LLGL1: variants seen among roughly 807,000 people sequenced by gnomAD.
LLGL1 encodes the protein LLGL scribble cell polarity complex component 1, also known as lethal(2) giant larvae protein homolog 1.
Under a neutral mutation model 110.6 loss-of-function variants are expected in LLGL1, and 58 were observed. The observed-to-expected ratio is 0.52, with a 90% CI of 0.42 to 0.65. The LOEUF (loss-of-function observed/expected upper bound fraction) is 0.65. Among genes scored for constraint, LLGL1 ranks in the 30% least tolerant of loss-of-function variants. The pLI is 0.00. For synonymous variants in LLGL1, 674 were observed against 607.2 expected, an observed-to-expected ratio of 1.11 and a Z score of -1.62; for missense variants, 1,229 against 1,462.1, an observed-to-expected ratio of 0.84 and a Z score of 2.60.
At chr17:18,226,439 G>A (rs2047445573) in intron 1 of LLGL1, among the ~76,000 whole-genome samples, 1 of 152,116 alleles carries the variant, frequency 6.6e-6, no homozygotes, top group Admixed American at 6.5e-5. Context: ...AGCTGTGGGG[G>A]GTGCGGCTGG....
rs770662681 is a variant in LLGL1 at position 18,234,239 on chromosome 17, GCCTGCCTGCCTGCCTGCC to G, written c.715-23_715-6del. On this transcript the variant is annotated splice_polypyrimidine_tract_variant and intron_variant, in intron 6 of 22. Coordinates refer to ENST00000316843, the MANE Select transcript of LLGL1 (RefSeq NM_004140.4). ...CTTGTGCATGCCCACCATGGCTCAT[GCCTGCCTGCCTGCCTGCC>G]CCTGCCTGCCCGCAGCAGCTGGAGA... 1.9e-6 allele frequency: 3 copies of G among 1,582,314 alleles called. No individual in the cohort carries two copies. The highest frequency in any genetic ancestry group is 2.6e-6 in the Non-Finnish European group (3 of 1,163,712).
rs1228397680 is a variant in LLGL1, at chr17:18,234,683, G to T, written c.885G>T (p.Leu295=). 1.9e-6 allele frequency: 3 copies of T among 1,614,132 alleles called. No individual in the cohort carries two copies. Among genetic ancestry groups the T allele is most frequent in the Admixed American group, 3.3e-5 (2 of 60,022 alleles). Residue 295 remains leucine, a synonymous_variant, in exon 8 of 23, where the codon CTG becomes CTT. Coordinates refer to ENST00000316843, the MANE Select transcript of LLGL1 (RefSeq NM_004140.4). ...CCTGCAAGGCCATTAACAAGATTCT[G>T]TGGCGGAACTGTGAATCTGGGTAGG... ...PFPCKAINKI[L]WRNCESGGHF...
intron 18 of LLGL1, 85 bp downstream of exon 18, chr17:18,241,800 T>C (rs1334024581): frequency 6.2e-7 from 1 of 1,608,098 alleles, no homozygotes; most frequent in Non-Finnish European, 8.5e-7. Context: ...GGAAGGGCAC[T>C]CCAGGTGGGC....
intron 1 of LLGL1, among the ~76,000 whole-genome samples, chr17:18,229,664 GA>G (rs2047525352): frequency 1.3e-5 from 2 of 152,322 alleles, no homozygotes; most frequent in East Asian, 3.9e-4. Flanking sequence ...TGTGTGCATT[GA>G]GGGGCACAGG....
intron 1 of LLGL1, 147 bp from the exon 2 acceptor site, chr17:18,229,794 C>T (rs756774836): frequency 2.3e-5 from 14 of 608,098 alleles, no homozygotes; most frequent in African/African-American, 1.1e-4. Flanking sequence ...CAGTTGAGGA[C>T]GCTGAGGCAC....
rs146870288 is a variant in LLGL1 at position 18,233,755 on chromosome 17, TC to T, written c.393-20del. On this transcript the variant is annotated intron_variant, in intron 4 of 22. Coordinates refer to ENST00000316843, the MANE Select transcript of LLGL1 (RefSeq NM_004140.4). ...CAGGTGGATGGGCTTGTACCCTCAC[TC>T]CCTTCCCCTTGTTCCCTGCAGTGCT... 3,256 of 1,600,578 alleles carry T rather than the reference TC, an allele frequency of 2.0e-3. 60 individuals carry two copies. The African/African-American group carries it at 0.038, about 19-fold the overall frequency.
At chr17:18,230,327 C>T (rs963483670) in intron 2 of LLGL1, among the ~76,000 whole-genome samples, 1 of 152,180 alleles carries the variant, frequency 6.6e-6, no homozygotes, top group Non-Finnish European at 1.5e-5. Flanking sequence ...GGCGACCCTG[C>T]CATCGTCCCA....
chr17:18,242,874 T>A (rs1225428649), intron 22 of LLGL1, 52 bp downstream of exon 22: 3 of 1,472,918 alleles, frequency 2.0e-6, no homozygotes, highest in Admixed American at 2.3e-5. Flanking sequence ...TCCACCCCCT[T>A]CAGCCCGTCT....
At position 18,232,348 on chromosome 17, in the gene LLGL1, G is replaced by T. The variant is rs2047588249; in HGVS notation, c.180-147G>T. The T allele has an allele frequency of 2.6e-5, 17 of 650,638 alleles. 1 individual carries two copies. In the South Asian group the frequency reaches 3.3e-4, roughly 13 times the overall value. The allele number at this position is 650,638 out of a possible 1,614,324, so 40.3% of individuals were successfully genotyped here. A position where few individuals can be genotyped will look rare whatever the true frequency, so the allele number is the denominator to read the frequency against. ...GCAGAGTGGGAGCTTTAGGGAGGGG[G>T]CCTCCGTTCTTCAGGGAGGACTCCT... On this transcript the variant is annotated intron_variant, in intron 2 of 22. Coordinates refer to ENST00000316843, the MANE Select transcript of LLGL1 (RefSeq NM_004140.4).
chr17:18,234,539 G>A (rs568248859), intron 7 of LLGL1, 110 bp from the exon 8 acceptor site: 53 of 1,574,470 alleles, frequency 3.4e-5, no homozygotes, highest in Middle Eastern at 3.3e-4. Flanking sequence ...CCGACTTCCC[G>A]GGGAGGCAGG....
chr17:18,241,387 G>A, intron 17 of LLGL1, 64 bp from the exon 18 acceptor site: 1 of 1,548,116 alleles, frequency 6.5e-7, no homozygotes, highest in East Asian at 2.3e-5. Context: ...GCAGCCACGA[G>A]GGTGAGGGGC....
Position 18,234,060 on chromosome 17 carries a change from C to A in LLGL1, c.599C>A (p.Ser200Ter). The change falls in exon 6 of 23, where the codon TCA becomes TAA. Residue 200 changes from serine to a stop codon, truncating the protein, a stop_gained. Transcript: ENST00000316843. LOFTEE classifies it high-confidence loss of function. ...GGGAAGGCACTGGGCCCCGTGGAGTCACTCCAGGGACACCTGCGGGACCCC... is the reference window on the plus strand; with the variant it reads ...GGGAAGGCACTGGGCCCCGTGGAGTAACTCCAGGGACACCTGCGGGACCCC... ...RCGKALGPVESLQGHLRDPTK... is the reference protein window; with the variant it reads ...RCGKALGPVE 6.2e-7 allele frequency: 1 copy of A among 1,605,682 alleles called. No individual in the cohort carries two copies. Among genetic ancestry groups the A allele is most frequent in the South Asian group, 1.1e-5 (1 of 90,412 alleles).
chr17:18,236,985 C>T lies in LLGL1; in HGVS notation c.1611+46C>T, dbSNP rs540250835. ...GGTTGGAGATGTCAGGGAGGGCTTT[C>T]TGGAAGAGATGAGCTGGAGGGTCTG... On this transcript the variant is annotated intron_variant, in intron 13 of 22. Transcript: ENST00000316843. 104 of 1,487,566 alleles carry T rather than the reference C, an allele frequency of 7.0e-5. 1 individual carries two copies. The South Asian group carries it at 1.1e-3, about 16-fold the overall frequency. 92.1% of individuals were successfully genotyped at this position (1,487,566 alleles called of 1,614,324 possible).
intron 1 of LLGL1, among the ~76,000 whole-genome samples, chr17:18,228,186 A>G (rs563906487): frequency 6.6e-6 from 1 of 152,342 alleles, no homozygotes; most frequent in African/African-American, 2.4e-5. Context: ...TGTAGTTGGG[A>G]TGGTAGCCAG....
chr17:18,237,460 C>T (rs2047719095), intron 13 of LLGL1, 21 bp from the exon 14 acceptor site: 1 of 1,553,464 alleles, frequency 6.4e-7, no homozygotes, highest in Non-Finnish European at 8.7e-7. Flanking sequence ...TGATGCTCCC[C>T]CTGCCTGGCT....
At chr17:18,237,919 A>G (rs1283036395) in intron 14 of LLGL1, 146 bp downstream of exon 14, 54 of 1,274,378 alleles carry the variant, frequency 4.2e-5, no homozygotes, top group Non-Finnish European at 5.4e-5. Flanking sequence ...CAAGAAGGAC[A>G]TTCTCAGTAC....
In LLGL1 at chr17:18,242,361, C is replaced by A. The variant is rs551332663; in HGVS notation, c.2995+83C>A. 9.1e-6 allele frequency: 14 copies of A among 1,541,260 alleles called. No homozygotes were observed. The African/African-American group carries it at 1.5e-4, about 16-fold the overall frequency. On this transcript the variant is annotated intron_variant, in intron 20 of 22. Coordinates refer to ENST00000316843, the MANE Select transcript of LLGL1 (RefSeq NM_004140.4). The stretch of plus-strand genomic sequence containing the variant: ...GTCGGGACTCACATAGCTCAGGGAT[C>A]GGGCAGGCTTCTGTAGGAGATGGGT...
chr17:18,237,802 T>C (rs748929505), intron 14 of LLGL1, 29 bp downstream of exon 14: 81 of 1,581,406 alleles, frequency 5.1e-5, no homozygotes, highest in Admixed American at 6.8e-5. Flanking sequence ...GCTGGGCAGT[T>C]GGAGCCCCCA....
At chr17:18,229,719 A>G (rs2047526684) in intron 1 of LLGL1, among the ~76,000 whole-genome samples, 1 of 152,166 alleles carries the variant, frequency 6.6e-6, no homozygotes, top group South Asian at 2.1e-4. Flanking sequence ...CACGCGGTAC[A>G]GTCATGGTGG....
Sources: gnomAD v4.1 joint callset for allele counts (sites outside exome capture counted in the v4.1 genomes callset) on GRCh38, gnomAD v4.1.1 for gene constraint, MANE v1.5 for transcripts, NCBI Gene and HGNC (gene_info 2026-07-23, HGNC 2026-07-21) for gene names.